DPP6: variants seen among roughly 807,000 people sequenced by gnomAD.
DPP6 encodes the protein A-type potassium channel modulatory protein DPP6.
Under a neutral mutation model 122.6 loss-of-function variants are expected in DPP6, and 69 were observed. The observed-to-expected ratio is 0.56, with a 90% CI of 0.46 to 0.69. DPP6 has a LOEUF of 0.69. DPP6 is among the 30% of genes least tolerant of loss of function. The probability of loss-of-function intolerance (pLI) is 0.00; values close to 1 mark genes in which losing one functional copy is unlikely to be tolerated. For synonymous variants in DPP6, 418 were observed against 433.1 expected (o/e 0.97, Z 0.43); for missense variants, 928 against 1,116.9 (o/e 0.83, Z 2.41).
intron 5 of DPP6, among the ~76,000 whole-genome samples, chr7:154,594,502 C>G (rs1203534680): frequency 6.6e-6 from 1 of 152,106 alleles, no homozygotes; most frequent in African/African-American, 2.4e-5. Flanking sequence ...CAATAATTGT[C>G]CTTCTCACCC....
chr7:154,063,127 A>T (rs1380933900), intron 1 of DPP6, among the ~76,000 whole-genome samples: 2 of 107,328 alleles, frequency 1.9e-5, no homozygotes, highest in African/African-American at 7.0e-5. Flanking sequence ...GGGGGGAGGC[A>T]CCCCCCACGA....
chr7:154,399,093 C>T (rs1474867825), intron 1 of DPP6, among the ~76,000 whole-genome samples: 1 of 152,102 alleles, frequency 6.6e-6, no homozygotes, highest in Non-Finnish European at 1.5e-5. Context: ...ATTCTTATGG[C>T]AGTATCTGAG....
chr7:154,657,871 C>T (rs1040112099), intron 6 of DPP6, among the ~76,000 whole-genome samples: 1 of 152,160 alleles, frequency 6.6e-6, no homozygotes, highest in Non-Finnish European at 1.5e-5. Flanking sequence ...GCATAAAAGT[C>T]TCTCCTCCAT....
At position 154,540,617 on chromosome 7, in the gene DPP6, CA is replaced by C. The variant is rs773847741; in HGVS notation, c.550del (p.Ile184LeufsTer4). Reference sequence around the variant, plus strand: ...ATACTTCTACTGTCTTAATAGAAGGCAAAAAAATTGTAAGTACTCTCTTTAA... The same window carrying C: ...ATACTTCTACTGTCTTAATAGAAGGCAAAAAATTGTAAGTACTCTCTTTAA... ...TNTSTVLIEG[K>X]KIESLRAIRY... On this transcript the variant is annotated frameshift_variant, in exon 4 of 26. Coordinates refer to ENST00000377770, the MANE Select transcript of DPP6 (RefSeq NM_130797.4). LOFTEE classifies it high-confidence loss of function. 12 of 1,563,314 alleles carry C rather than the reference CA, an allele frequency of 7.7e-6. No homozygotes were observed. Among genetic ancestry groups the C allele is most frequent in the South Asian group, 1.2e-5 (1 of 82,472 alleles).
At chr7:153,943,015 AC>A (rs1801770215) in intron 1 of DPP6, among the ~76,000 whole-genome samples, 1 of 151,228 alleles carries the variant, frequency 6.6e-6, no homozygotes, top group African/African-American at 2.4e-5. Flanking sequence ...GCATTATTTT[AC>A]CCCCTCTACA....
intron 1 of DPP6, among the ~76,000 whole-genome samples, chr7:154,076,852 T>C (rs1465597478): frequency 2.6e-5 from 4 of 151,562 alleles, no homozygotes; most frequent in African/African-American, 9.7e-5. Context: ...TGATACTTAA[T>C]GAGGAATACA....
rs956429801 is a variant in DPP6 at position 154,633,747 on chromosome 7, TGAG to T, written c.628-4071_628-4069del. 4.6e-5 allele frequency among the ~76,000 whole-genome samples: 7 copies of T among 152,364 alleles called. No individual in the cohort carries two copies. The East Asian group carries it at 1.4e-3, about 29-fold the overall frequency. On this transcript the variant is annotated intron_variant, in intron 5 of 25. Transcript: ENST00000377770. ...GCCTGCAGTTCTTTTGGCTTGATGT[TGAG>T]GAAGATTTTGTGGAAGACAATGATA... is the stretch of plus-strand genomic sequence containing the variant.
the DPP6 span, among the ~76,000 whole-genome samples, chr7:153,823,773 A>T: frequency 6.6e-6 from 1 of 152,036 alleles, no homozygotes; most frequent in Non-Finnish European, 1.5e-5. Flanking sequence ...GGTGAATTTT[A>T]TTGCATGTAA....
chr7:153,761,852 T>C, the DPP6 span, among the ~76,000 whole-genome samples: 1 of 152,236 alleles, frequency 6.6e-6, no homozygotes, highest in Non-Finnish European at 1.5e-5. Context: ...CTATTATTTT[T>C]ATTAATGAGT....
At chr7:154,575,435 G>GTA (rs1831554000) in intron 5 of DPP6, among the ~76,000 whole-genome samples, 1 of 113,462 alleles carries the variant, frequency 8.8e-6, no homozygotes, top group African/African-American at 3.6e-5. Flanking sequence ...TGGTGTGTAT[G>GTA]TGTGTGGTGT....
intron 4 of DPP6, among the ~76,000 whole-genome samples, chr7:154,557,335 C>T (rs1283312501): frequency 6.6e-6 from 1 of 152,132 alleles, no homozygotes; most frequent in African/African-American, 2.4e-5. Flanking sequence ...AGCAATTGAC[C>T]CTCCATCAAG....
chr7:154,057,939 G>A (rs1801007870), intron 1 of DPP6: 1 of 150,944 alleles, frequency 6.6e-6, no homozygotes, highest in African/African-American at 2.5e-5. Flanking sequence ...CTATTTGAGG[G>A]CCTTGGCAGC....
At chr7:154,720,592 GC>G (rs1328695334) in intron 7 of DPP6, among the ~76,000 whole-genome samples, 2 of 152,186 alleles carry the variant, frequency 1.3e-5, no homozygotes, top group Non-Finnish European at 2.9e-5. Flanking sequence ...GGATGGCAGG[GC>G]CCCCCGGCTG....
chr7:154,231,048 C>A (rs184487084), intron 1 of DPP6, among the ~76,000 whole-genome samples: 1 of 152,156 alleles, frequency 6.6e-6, no homozygotes, highest in South Asian at 2.1e-4. Context: ...AATTTGAATG[C>A]TGCATCTAGT....
chr7:153,794,273 G>A, the DPP6 span, among the ~76,000 whole-genome samples: 2 of 152,240 alleles, frequency 1.3e-5, no homozygotes, highest in African/African-American at 2.4e-5. Context: ...CCTGCAAAGC[G>A]ACAGGAGTGG....
At chr7:153,971,543 G>C (rs1347819856) in intron 1 of DPP6, among the ~76,000 whole-genome samples, 1 of 136,820 alleles carries the variant, frequency 7.3e-6, no homozygotes, top group Non-Finnish European at 1.6e-5. Context: ...CATCCATTCA[G>C]TATGTTACTT....
intron 3 of DPP6, among the ~76,000 whole-genome samples, chr7:154,494,850 G>A (rs1004430108): frequency 4.6e-5 from 7 of 152,226 alleles, no homozygotes; most frequent in Middle Eastern, 3.4e-3. Flanking sequence ...ATGTATAGAC[G>A]TTGTCCTCAG....
chr7:153,833,398 G>C, the DPP6 span, among the ~76,000 whole-genome samples: 1 of 152,344 alleles, frequency 6.6e-6, no homozygotes, highest in Admixed American at 6.5e-5. Context: ...AGCCAGCCGG[G>C]CATGGTGGCC....
Position 154,305,336 on chromosome 7 carries a change from A to AGCCC in DPP6, c.244-140878_244-140877insGCCC. The AGCCC allele has an allele frequency of 3.0e-5, 11 of 362,166 alleles. 1 individual carries two copies. Among genetic ancestry groups the AGCCC allele is most frequent in the South Asian group, 1.3e-4 (2 of 15,030 alleles). The allele number at this position is 362,166 out of a possible 1,614,324, so 22.4% of individuals were successfully genotyped here. On this transcript the variant is annotated intron_variant, in intron 1 of 25. Coordinates refer to ENST00000377770, the MANE Select transcript of DPP6 (RefSeq NM_130797.4). The stretch of plus-strand genomic sequence containing the variant: ...TTTAAAGAGCAAACTCGTCTTGTCT[A>AGCCC]CCCACCCTCCCTCCCCCATCCTCCC...
Sources: allele counts gnomAD v4.1 joint callset (sites outside exome capture counted in the v4.1 genomes callset), GRCh38; gene constraint gnomAD v4.1.1; transcripts MANE v1.5; gene names NCBI Gene and HGNC (gene_info 2026-07-23, HGNC 2026-07-21).